Variants in DNAH5 observed in about 807,000 individuals in gnomAD.
The protein encoded by DNAH5 is axonemal beta dynein heavy chain 5.
In DNAH5, 372 loss-of-function variants were observed where a neutral mutation model predicts 518.2. The observed-to-expected ratio is 0.72, with a 90% CI of 0.66 to 0.78. The LOEUF (loss-of-function observed/expected upper bound fraction) is 0.78, where lower values mean the gene tolerates loss of function less well. Ranked by LOEUF, DNAH5 falls within the 30% of genes least tolerant of loss-of-function variation. The probability of loss-of-function intolerance (pLI) is 0.00; values close to 1 mark genes in which losing one functional copy is unlikely to be tolerated. For missense variants in DNAH5, 5,523 were observed against 5,687.0 expected (o/e 0.97, Z 0.93); for synonymous variants, 2,039 against 2,025.9 (o/e 1.01, Z -0.17).
At chr5:13,776,149 A>G (rs924773800) in intron 55 of DNAH5, among the ~76,000 whole-genome samples, 1 of 152,184 alleles carries the variant, frequency 6.6e-6, no homozygotes, top group Admixed American at 6.5e-5. Flanking sequence ...TCTTTTGTCA[A>G]GGACAGAAAC....
rs370080157 is a variant in DNAH5, at chr5:13,885,151, C to G, written c.2821G>C (p.Val941Leu). The G allele has an allele frequency of 1.3e-5, 21 of 1,614,102 alleles. 1 individual carries two copies. The South Asian group carries it at 2.3e-4, about 18-fold the overall frequency. ...ARANALLLTT[V>L]TRKKKETEML... ...TCAGTTTCTTTCTTTTTCCTCGTGACTGTCGTCAAAAGCAGGGCATTGGCC... is the reference window on the plus strand; with the variant it reads ...TCAGTTTCTTTCTTTTTCCTCGTGAGTGTCGTCAAAAGCAGGGCATTGGCC... Residue 941 changes from valine (V) to leucine (L), a missense_variant, in exon 19 of 79, where the codon GTC (valine) becomes CTC (leucine). Physicochemically the swap from Val to Leu is conservative, Grantham distance 32. This residue lies in a region of DNAH5 where 5,121 missense variants were observed against 5,223.3 expected (regional missense o/e 0.98). Coordinates refer to ENST00000265104, the MANE Select transcript of DNAH5 (RefSeq NM_001369.3).
intron 40 of DNAH5, among the ~76,000 whole-genome samples, chr5:13,822,783 T>A (rs73746923): frequency 0.19 from 29,269 of 151,830 alleles, 3,049 homozygotes; most frequent in African/African-American, 0.28. Flanking sequence ...GTGTGGTGGG[T>A]TCCCCCACCC....
At chr5:13,963,631 C>T (rs561839019) in intron 1 of DNAH5, among the ~76,000 whole-genome samples, 281 of 150,914 alleles carry the variant, frequency 1.9e-3, no homozygotes, top group African/African-American at 6.6e-3. Context: ...TTTTCCTACA[C>T]ATAAGATAAT....
chr5:13,848,775 A>C (rs1470742875), intron 31 of DNAH5, among the ~76,000 whole-genome samples: 1 of 152,172 alleles, frequency 6.6e-6, no homozygotes, highest in Non-Finnish European at 1.5e-5. Context: ...ATCTCACAGG[A>C]GGCAGAGCTC....
At chr5:13,767,887 A>C (rs998660358) in intron 58 of DNAH5, among the ~76,000 whole-genome samples, 2 of 152,338 alleles carry the variant, frequency 1.3e-5, no homozygotes, top group Non-Finnish European at 2.9e-5. Flanking sequence ...ATTAATATCA[A>C]GATAGGAAGA....
rs201025764 is a variant in DNAH5 at position 13,811,109 on chromosome 5, G to GTC, written c.7407+537_7407+538insGA. ...GGGGAGTGGGGAGGGGTGAGGAAAT[G>GTC]GGGATGATGAATGGGTGCAAAAATA... is the stretch of plus-strand genomic sequence containing the variant. On this transcript the variant is annotated intron_variant, in intron 44 of 78. Coordinates refer to ENST00000265104, the MANE Select transcript of DNAH5 (RefSeq NM_001369.3). 5.6e-3 allele frequency among the ~76,000 whole-genome samples: 849 copies of GTC among 152,306 alleles called. 6 individuals carry two copies. The highest frequency in any genetic ancestry group is 0.019 in the African/African-American group (810 of 41,560).
intron 69 of DNAH5, among the ~76,000 whole-genome samples, chr5:13,728,964 C>A (rs927813573): frequency 4.6e-5 from 7 of 151,968 alleles, no homozygotes; most frequent in African/African-American, 1.7e-4. Flanking sequence ...AGATTCATAC[C>A]CAGGTGCCTA....
intron 21 of DNAH5, among the ~76,000 whole-genome samples, chr5:13,879,456 A>T (rs898433727): frequency 6.6e-6 from 1 of 152,176 alleles, no homozygotes; most frequent in African/African-American, 2.4e-5. Context: ...GACTTACTAT[A>T]AAGTTACTTC....
rs377435331 is a variant in DNAH5, at chr5:13,814,668, G to C, written c.7167C>G (p.Thr2389=). 9.3e-6 allele frequency: 15 copies of C among 1,613,994 alleles called. No homozygotes were observed. The highest frequency in any genetic ancestry group is 1.1e-5 in the Non-Finnish European group (13 of 1,179,916). The change falls in exon 43 of 79, where the codon ACC becomes ACG. Residue 2389 remains threonine (T), a synonymous_variant. Transcript: ENST00000265104. ...PHNIDNASPA[T]VSRNGMVFMS... ...TGAAAACCATTCCATTTCTTGAGAC[G>C]GTGGCAGGAGAAGCATTGTCAATGT...
chr5:13,905,428 A>G (rs920087288), intron 12 of DNAH5, among the ~76,000 whole-genome samples: 2 of 152,204 alleles, frequency 1.3e-5, no homozygotes, highest in African/African-American at 4.8e-5. Flanking sequence ...CCCTCATCAG[A>G]TACCGGCTCC....
intron 75 of DNAH5, among the ~76,000 whole-genome samples, chr5:13,712,805 C>G (rs1267104937): frequency 6.6e-6 from 1 of 151,834 alleles, no homozygotes; most frequent in African/African-American, 2.4e-5. Context: ...TGGCCATAAT[C>G]GAAAAATCAA....
chr5:13,749,002 C>A (rs922532161), intron 65 of DNAH5, among the ~76,000 whole-genome samples: 1 of 151,930 alleles, frequency 6.6e-6, no homozygotes, highest in East Asian at 1.9e-4. Context: ...AACTCAGACC[C>A]ATCTGCACCA....
At position 13,823,199 on chromosome 5, in the gene DNAH5, C is replaced by G. The variant is rs550064158; in HGVS notation, c.6687+64G>C. On this transcript the variant is annotated intron_variant, in intron 40 of 78. Transcript: ENST00000265104. ...ATAGGTTGGAGCCACAGCAGCCCCA[C>G]TTTATTCCCATTAAATTCAGATGAA... 109 of 1,129,986 alleles carry G rather than the reference C, an allele frequency of 9.6e-5. 1 individual carries two copies. In the South Asian group the frequency reaches 1.3e-3, roughly 14 times the overall value. 70.0% of individuals were successfully genotyped at this position (1,129,986 alleles called of 1,614,324 possible).
At chr5:13,717,596 T>C in intron 72 of DNAH5, 76 bp from the exon 73 acceptor site, 1 of 1,158,916 alleles carries the variant, frequency 8.6e-7, no homozygotes. Context: ...TAAGTAATCA[T>C]TTTTGTAAAT....
At chr5:13,966,409 C>G (rs114750737) in intron 1 of DNAH5, among the ~76,000 whole-genome samples, 1 of 152,184 alleles carries the variant, frequency 6.6e-6, no homozygotes, top group Admixed American at 6.5e-5. Flanking sequence ...AATGGTAGTT[C>G]TACTTTTAGT....
intron 30 of DNAH5, among the ~76,000 whole-genome samples, chr5:13,852,656 C>T (rs66977027): frequency 0.38 from 57,355 of 151,886 alleles, 11,092 homozygotes; most frequent in South Asian, 0.47. Flanking sequence ...AGTCTGAAGT[C>T]GACCGGGAAT....
rs1060501458 is a variant in DNAH5 at position 13,891,020 on chromosome 5, G to A, written c.2533C>T (p.Gln845Ter). 6.2e-7 allele frequency: 1 copy of A among 1,614,000 alleles called. No homozygotes were observed. The highest frequency in any genetic ancestry group is 1.7e-5 in the Admixed American group (1 of 60,008). ...MSSTPLCQLP[Q>*]EEPLTCEEFL... ...TCTTCACAGGTTAGTGGCTCCTCCT[G>A]GGGAAGCTGACAAAGAGGCGTGCTG... Residue 845 changes from glutamine (Q) to a stop codon, truncating the protein, a stop_gained, in exon 17 of 79, where the codon CAG becomes TAG. Coordinates refer to ENST00000265104, the MANE Select transcript of DNAH5 (RefSeq NM_001369.3). LOFTEE classifies it high-confidence loss of function.
At chr5:13,906,763 A>G (rs1453309018) in intron 12 of DNAH5, among the ~76,000 whole-genome samples, 2 of 152,238 alleles carry the variant, frequency 1.3e-5, no homozygotes, top group African/African-American at 4.8e-5. Context: ...ACATTACGTG[A>G]TACTTTAAAC....
exon 1 of DNAH5, among the ~76,000 whole-genome samples, chr5:14,011,665 T>C (rs1004085461): frequency 3.3e-5 from 5 of 152,196 alleles, no homozygotes; most frequent in Non-Finnish European, 7.4e-5. Context: ...TCCATGGCGC[T>C]GTGCTGCGGC....
Sources: allele counts gnomAD v4.1 joint callset (sites outside exome capture counted in the v4.1 genomes callset), GRCh38; gene constraint gnomAD v4.1.1; regional missense constraint gnomAD v4.1.1; transcripts MANE v1.5; gene names NCBI Gene and HGNC (gene_info 2026-07-23, HGNC 2026-07-21).